Variants in H2BC4 observed in about 807,000 individuals in gnomAD.
The protein encoded by H2BC4 is histone H2B type 1-C/E/F/G/I.
H2BC4 carries 10 observed loss-of-function variants against 6.2 expected under a neutral mutation model. The ratio of observed to expected loss-of-function variants is 1.61; its 90% CI spans 0.99 to 2.73. The LOEUF (loss-of-function observed/expected upper bound fraction) is 2.73, where lower values mean the gene tolerates loss of function less well. H2BC4 is among the 30% of genes most tolerant of loss of function. The pLI, the probability that H2BC4 is intolerant of heterozygous loss-of-function variation, is 0.00. For synonymous variants in H2BC4, 146 were observed against 70.7 expected, an observed-to-expected ratio of 2.07 and a Z score of -5.35; for missense variants, 176 against 168.7, an observed-to-expected ratio of 1.04 and a Z score of -0.24.
downstream of H2BC4, among the ~76,000 whole-genome samples, chr6:26,122,553 G>A (rs1407248716): frequency 3.9e-5 from 6 of 152,194 alleles, no homozygotes; most frequent in Admixed American, 1.3e-4. Context: ...TCCTCTAGGA[G>A]ATACAGTGTA....
At chr6:26,116,634 A>T (rs1424307608) in intron 1 of H2BC4, among the ~76,000 whole-genome samples, 2 of 151,986 alleles carry the variant, frequency 1.3e-5, no homozygotes, top group East Asian at 3.9e-4. Context: ...CAGAAGGTGG[A>T]GGTTACAATG....
At position 26,123,876 on chromosome 6, in the gene H2BC4, G is replaced by T. The variant is rs986729677; in HGVS notation, c.29C>A (p.Ala10Asp). The T allele has an allele frequency of 1.2e-6, 2 of 1,614,184 alleles. No individual in the cohort carries two copies. Among genetic ancestry groups the T allele is most frequent in the Admixed American group, 1.7e-5 (1 of 60,018 alleles). ...TGCCTTCTTGGAGCCCTTCTTCGGG[G>T]CGGGAGCAGACTTGGCTGGCTCAGG... MPEPAKSAP[A>D]PKKGSKKAVT... Residue 10 changes from alanine (A) to aspartate (D), a missense_variant, in exon 1 of 1, where the codon GCC becomes GAC. Transcript: ENST00000396984.
chr6:26,123,094 C>T (rs1763528142), downstream of H2BC4, among the ~76,000 whole-genome samples: 1 of 152,070 alleles, frequency 6.6e-6, no homozygotes, highest in Admixed American at 6.5e-5. Context: ...AGCTTTCCCT[C>T]GATTGGTTAA....
At chr6:26,120,954 G>C (rs1309965292), downstream of H2BC4, among the ~76,000 whole-genome samples, 2 of 152,148 alleles carry the variant, frequency 1.3e-5, no homozygotes, top group Non-Finnish European at 2.9e-5. Flanking sequence ...TTTGTCTCCT[G>C]TTAGTCCTAA....
downstream of H2BC4, chr6:26,123,416 C>A (rs908309877): frequency 1.9e-6 from 3 of 1,539,092 alleles, no homozygotes; most frequent in African/African-American, 4.2e-5. Flanking sequence ...TAATACCCCT[C>A]CGCCGCCAAA....
At chr6:26,123,342 C>G (rs889914875), downstream of H2BC4, 18 of 1,095,958 alleles carry the variant, frequency 1.6e-5, no homozygotes, top group African/African-American at 2.5e-4. Context: ...CTTTCGGGTT[C>G]AGGACCCTTT....
chr6:26,115,720 T>G (rs1763409552), intron 1 of H2BC4, among the ~76,000 whole-genome samples: 1 of 152,212 alleles, frequency 6.6e-6, no homozygotes, highest in Non-Finnish European at 1.5e-5. Context: ...GCAGTTTTCC[T>G]TCCATTCAAG....
downstream of H2BC4, among the ~76,000 whole-genome samples, chr6:26,119,716 C>G (rs543241639): frequency 2.6e-5 from 4 of 151,528 alleles, no homozygotes; most frequent in Non-Finnish European, 5.9e-5. Flanking sequence ...GAACCCTAAA[C>G]TTGTGTATAC....
At chr6:26,123,433 T>A (rs1232280768), downstream of H2BC4, 3 of 1,561,512 alleles carry the variant, frequency 1.9e-6, no homozygotes, top group African/African-American at 2.8e-5. Flanking sequence ...CAAATAAAAT[T>A]TGGCGTCTGG....
At chr6:26,123,012 G>C (rs1364842017), downstream of H2BC4, among the ~76,000 whole-genome samples, 2 of 152,176 alleles carry the variant, frequency 1.3e-5, no homozygotes, top group Non-Finnish European at 2.9e-5. Context: ...AAAACAGAGG[G>C]GGAGTCCTTC....
chr6:26,123,330 T>A (rs548119883), downstream of H2BC4: 2 of 979,036 alleles, frequency 2.0e-6, no homozygotes, highest in South Asian at 3.8e-5. Context: ...AATGGCTGGC[T>A]TCTTTCGGGT....
rs56984267 is a variant in H2BC4 at position 26,115,587 on chromosome 6, G to A, written c.*10-452C>T. Among the ~76,000 whole-genome samples, 921 of 152,246 alleles carry A rather than the reference G, an allele frequency of 6.0e-3. 8 individuals are homozygous for A. Among genetic ancestry groups the A allele is most frequent in the African/African-American group, 0.014 (592 of 41,546 alleles). ...TTTTTCATAAAGAAGATACAGCGACGAAGGCCAGGCCGTGGGGACTGTCTG... is the reference window on the plus strand; with the variant it reads ...TTTTTCATAAAGAAGATACAGCGACAAAGGCCAGGCCGTGGGGACTGTCTG... On this transcript the variant is annotated intron_variant, in intron 1 of 1. Coordinates refer to the H2BC4 transcript ENST00000314332.
Position 26,123,778 on chromosome 6 carries a change from A to T in H2BC4, c.127T>A (p.Tyr43Asn). 1 of 1,614,270 alleles carries T rather than the reference A, an allele frequency of 6.2e-7. No homozygotes were observed. Among genetic ancestry groups the T allele is most frequent in the Non-Finnish European group, 8.5e-7 (1 of 1,180,050 alleles). The change falls in exon 1 of 1, where the codon TAC becomes AAC. Residue 43 changes from tyrosine (Y) to asparagine (N), a missense_variant. Tyr to Asn is a moderately radical substitution (Grantham distance 143). Transcript: ENST00000396984. ...GGATGGACCTGTTTCAGCACCTTGT[A>T]CACGTACACAGAGTAACTCTCCTTG... Reference protein sequence around the residue: ...SRKESYSVYVYKVLKQVHPDT... With the variant: ...SRKESYSVYVNKVLKQVHPDT...
chr6:26,118,372 T>A (rs1483938930), intron 1 of H2BC4, among the ~76,000 whole-genome samples: 1 of 152,218 alleles, frequency 6.6e-6, no homozygotes, highest in African/African-American at 2.4e-5. Context: ...TCATTTTTCC[T>A]AATTGATTAT....
intron 1 of H2BC4, among the ~76,000 whole-genome samples, chr6:26,117,176 T>C (rs35825164): frequency 0.092 from 14,071 of 152,256 alleles, 689 homozygotes; most frequent in African/African-American, 0.11. Flanking sequence ...ACTGGCATTT[T>C]CATATCAAAT....
chr6:26,118,447 T>G (rs1379151800), intron 1 of H2BC4, among the ~76,000 whole-genome samples: 3 of 152,230 alleles, frequency 2.0e-5, no homozygotes, highest in Admixed American at 1.3e-4. Context: ...TTTAGGAACT[T>G]TTAGTCAAGT....
At chr6:26,123,394 G>C (rs1183738330), downstream of H2BC4, 1 of 1,457,434 alleles carries the variant, frequency 6.9e-7, no homozygotes, top group Admixed American at 2.6e-5. Context: ...CCCCTCTCCA[G>C]TTCCTATATT....
chr6:26,123,115 GACAGGACA>G (rs1259653790), downstream of H2BC4, among the ~76,000 whole-genome samples: 1 of 152,170 alleles, frequency 6.6e-6, no homozygotes, highest in Non-Finnish European at 1.5e-5. Flanking sequence ...TATTTAAAAT[GACAGGACA>G]GCCTATTGGC....
chr6:26,123,447 C>T, downstream of H2BC4: 4 of 1,578,006 alleles, frequency 2.5e-6, no homozygotes, highest in South Asian at 1.2e-5. Context: ...CGTCTGGCCA[C>T]AGCTCTTTTA....
Sources: allele counts gnomAD v4.1 joint callset (sites outside exome capture counted in the v4.1 genomes callset), GRCh38; gene constraint gnomAD v4.1.1; transcripts MANE v1.5; gene names NCBI Gene and HGNC (gene_info 2026-07-23, HGNC 2026-07-21).